Variants in RTN4RL1 observed in about 807,000 individuals in gnomAD.
The protein encoded by RTN4RL1 is reticulon-4 receptor-like 1.
RTN4RL1 carries 7 observed loss-of-function variants against 25.6 expected under a neutral mutation model. The observed-to-expected ratio is 0.27, with a 90% confidence interval of 0.16 to 0.51. The LOEUF (loss-of-function observed/expected upper bound fraction) is 0.51. Ranked by LOEUF, RTN4RL1 falls within the 20% of genes least tolerant of loss-of-function variation. The pLI, the probability that RTN4RL1 is intolerant of heterozygous loss-of-function variation, is 0.97. For missense variants in RTN4RL1, 500 were observed against 615.6 expected (o/e 0.81, Z 1.99); for synonymous variants, 297 against 288.2 (o/e 1.03, Z -0.31).
At chr17:2,015,164 G>C (rs1488426621) in intron 1 of RTN4RL1, among the ~76,000 whole-genome samples, 5 of 152,166 alleles carry the variant, frequency 3.3e-5, no homozygotes. Context: ...AGGTGCAAAG[G>C]GCATCATGGG....
Position 1,942,555 on chromosome 17 carries a change from C to A in RTN4RL1, c.14-4747G>T, listed in dbSNP as rs556700443. ...GTGCCACCTGCCAACATTGTTCCGT[C>A]ACCTCCTGGAGTATGAATCTGGGAA... On this transcript the variant is annotated intron_variant, in intron 1 of 1. Coordinates refer to ENST00000331238, the MANE Select transcript of RTN4RL1 (RefSeq NM_178568.4). Among the ~76,000 whole-genome samples, 34 of 152,240 alleles carry A rather than the reference C, an allele frequency of 2.2e-4. No homozygotes were observed. In the South Asian group the frequency reaches 6.8e-3, roughly 31 times the overall value.
rs1009315403 is a variant in RTN4RL1 at position 1,935,351 on chromosome 17, G to A, written c.*1145C>T. 3 of 157,874 alleles carry A rather than the reference G, an allele frequency of 1.9e-5. No individual in the cohort carries two copies. The highest frequency in any genetic ancestry group is 2.7e-5 in the Non-Finnish European group (2 of 72,864). 9.8% of individuals were successfully genotyped at this position (157,874 alleles called of 1,614,324 possible). ...GCTGCTTCTCACTTCTCACCCTGAAGCCAACAGCTACGACAGCAGGGGTGA... is the reference window on the plus strand; with the variant it reads ...GCTGCTTCTCACTTCTCACCCTGAAACCAACAGCTACGACAGCAGGGGTGA... On this transcript the variant is annotated 3_prime_UTR_variant, in exon 2 of 2. Transcript: ENST00000331238.
intron 1 of RTN4RL1, among the ~76,000 whole-genome samples, chr17:1,997,257 C>T (rs2066933379): frequency 6.6e-6 from 1 of 152,210 alleles, no homozygotes; most frequent in African/African-American, 2.4e-5. Context: ...TGGCCTTCCT[C>T]GCAAATTATT....
chr17:1,975,653 A>G (rs1025015999), intron 1 of RTN4RL1, among the ~76,000 whole-genome samples: 5 of 152,268 alleles, frequency 3.3e-5, no homozygotes, highest in South Asian at 2.1e-4. Context: ...TTTGACTCAA[A>G]AAAGAAAAAG....
In RTN4RL1 at chr17:1,936,975, C is replaced by A. The variant is rs1915320858; in HGVS notation, c.847G>T (p.Val283Leu). 2 of 1,607,020 alleles carry A rather than the reference C, an allele frequency of 1.2e-6. No homozygotes were observed. The highest frequency in any genetic ancestry group is 1.7e-6 in the Non-Finnish European group (2 of 1,178,682). ...FRGSSSAVPC[V>L]SPGLRHGQDL... ...TGGCCGTGCCGCAGCCCAGGGGACA[C>A]ACAGGGGACAGCGGAGCTGGAGCCC... is the stretch of plus-strand genomic sequence containing the variant. Residue 283 changes from valine to leucine, a missense_variant, in exon 2 of 2, where the codon GTG becomes TTG. By Grantham distance (32) the Val-to-Leu change is conservative. Around this residue, in one of 2 missense-constraint regions of RTN4RL1, gnomAD observed 268 missense variants for 274.5 expected, o/e 0.98. Transcript: ENST00000331238.
chr17:1,991,945 C>T (rs1230594036), intron 1 of RTN4RL1, among the ~76,000 whole-genome samples: 1 of 152,150 alleles, frequency 6.6e-6, no homozygotes, highest in African/African-American at 2.4e-5. Flanking sequence ...CCAGGGAGAG[C>T]TATGTCTCCA....
chr17:2,011,836 G>T (rs1017271077), intron 1 of RTN4RL1, among the ~76,000 whole-genome samples: 2 of 152,178 alleles, frequency 1.3e-5, no homozygotes, highest in Non-Finnish European at 2.9e-5. Flanking sequence ...AGTCACGTGT[G>T]AGTGGTAAAA....
rs538952640 is a variant in RTN4RL1, at chr17:2,024,985, G to A, written c.-120C>T. The A allele has an allele frequency of 7.8e-4, 886 of 1,142,480 alleles. 8 individuals carry two copies. The African/African-American group carries it at 0.013, about 16-fold the overall frequency. The allele number at this position is 1,142,480 out of a possible 1,614,324, so 70.8% of individuals were successfully genotyped here. On this transcript the variant is annotated 5_prime_UTR_variant, in exon 1 of 2. Coordinates refer to ENST00000331238, the MANE Select transcript of RTN4RL1 (RefSeq NM_178568.4). ...AGCGCGTCGAGGCGGGGGCAAGCCGGGGATCCGCTCGTGCCCGGTGGCCCG... is the reference window on the plus strand; with the variant it reads ...AGCGCGTCGAGGCGGGGGCAAGCCGAGGATCCGCTCGTGCCCGGTGGCCCG...
Position 1,947,214 on chromosome 17 carries a change from G to A in RTN4RL1, c.14-9406C>T, listed in dbSNP as rs536748294. ...TGTCTGTGTGTGCACGTGTGTCTGCGCACGCACGCTTGTGTGCTCATGTAC... is the reference window on the plus strand; with the variant it reads ...TGTCTGTGTGTGCACGTGTGTCTGCACACGCACGCTTGTGTGCTCATGTAC... On this transcript the variant is annotated intron_variant, in intron 1 of 1. Transcript: ENST00000331238. Among the ~76,000 whole-genome samples, 32 of 152,328 alleles carry A rather than the reference G, an allele frequency of 2.1e-4. No individual in the cohort carries two copies. The East Asian group carries it at 3.1e-3, about 15-fold the overall frequency.
At chr17:1,997,950 G>A (rs1409737353) in intron 1 of RTN4RL1, among the ~76,000 whole-genome samples, 1 of 152,210 alleles carries the variant, frequency 6.6e-6, no homozygotes, top group Non-Finnish European at 1.5e-5. Context: ...GAAAGCGTGG[G>A]CGCAGGTGCC....
chr17:1,978,646 G>A (rs1168001932), intron 1 of RTN4RL1, among the ~76,000 whole-genome samples: 1 of 151,876 alleles, frequency 6.6e-6, no homozygotes, highest in Non-Finnish European at 1.5e-5. Flanking sequence ...GGGGGGTGGA[G>A]GGTGGGCTGC....
chr17:1,951,336 T>C (rs1031859448), intron 1 of RTN4RL1, among the ~76,000 whole-genome samples: 2 of 152,018 alleles, frequency 1.3e-5, no homozygotes, highest in Non-Finnish European at 2.9e-5. Context: ...CGCGACACAA[T>C]GCTTTTGTGG....
In RTN4RL1 at chr17:1,998,763, C is replaced by T. The variant is rs1209753701; in HGVS notation, c.13+26090G>A. Among the ~76,000 whole-genome samples the T allele has an allele frequency of 2.0e-5, 3 of 147,452 alleles. No homozygotes were observed. The highest frequency in any genetic ancestry group is 7.6e-5 in the African/African-American group (3 of 39,578). On this transcript the variant is annotated intron_variant, in intron 1 of 1. Transcript: ENST00000331238. This position sits in a 1 kb window ranked among gnomAD's most constrained non-coding sequence, Gnocchi z 4.9. ...AGACGGGGACAGGGGCGGCCTCGCG[C>T]GCACGGGGACCCCGGGGTGGGGGTG...
intron 1 of RTN4RL1, 58 bp from the exon 2 acceptor site, chr17:1,937,866 G>A (rs1191556118): frequency 6.1e-6 from 8 of 1,316,568 alleles, no homozygotes; most frequent in African/African-American, 1.4e-5. Flanking sequence ...GACTGGCACC[G>A]CACCCTCCGG....
intron 1 of RTN4RL1, among the ~76,000 whole-genome samples, chr17:2,022,376 T>C (rs1320583044): frequency 6.6e-6 from 1 of 152,118 alleles, no homozygotes; most frequent in East Asian, 1.9e-4. Flanking sequence ...GGCCTCGAAC[T>C]CCTGGTCTCA....
intron 1 of RTN4RL1, among the ~76,000 whole-genome samples, chr17:2,014,598 G>A (rs1315367508): frequency 1.3e-5 from 2 of 152,204 alleles, no homozygotes; most frequent in Non-Finnish European, 2.9e-5. Flanking sequence ...TTGGGAGGCC[G>A]ACGCAGGCAG....
At chr17:1,973,250 AG>A (rs2151313841) in intron 1 of RTN4RL1, among the ~76,000 whole-genome samples, 1 of 152,054 alleles carries the variant, frequency 6.6e-6, no homozygotes, top group Non-Finnish European at 1.5e-5. Context: ...TTATAATCCC[AG>A]CTTCTTGGGA....
chr17:1,950,835 GAC>G (rs1410038236), intron 1 of RTN4RL1, among the ~76,000 whole-genome samples: 2 of 99,394 alleles, frequency 2.0e-5, no homozygotes, highest in Non-Finnish European at 3.5e-5. Flanking sequence ...GACAGAGTGA[GAC>G]ACAGTCTCCA....
intron 1 of RTN4RL1, among the ~76,000 whole-genome samples, chr17:2,011,612 T>C (rs1265269512): frequency 2.0e-5 from 3 of 152,154 alleles, no homozygotes; most frequent in Admixed American, 1.3e-4. Context: ...GGGCTGTACA[T>C]TCTGGAGCTC....
Sources: gnomAD v4.1 joint callset for allele counts (sites outside exome capture counted in the v4.1 genomes callset) on GRCh38, gnomAD v4.1.1 for gene constraint, gnomAD v4.1.1 regional missense constraint, Gnocchi (gnomAD v3.1) non-coding constraint, MANE v1.5 for transcripts, NCBI Gene and HGNC (gene_info 2026-07-23, HGNC 2026-07-21) for gene names.